TRIO: variants seen among roughly 807,000 people sequenced by gnomAD.
TRIO encodes trio Rho guanine nucleotide exchange factor, also known as triple functional domain protein.
Under a neutral mutation model 351.9 loss-of-function variants are expected in TRIO, and 58 were observed. That is an observed-to-expected ratio of 0.16 (90% CI 0.13 to 0.21). The LOEUF (loss-of-function observed/expected upper bound fraction) is 0.21. TRIO is among the 10% of genes least tolerant of loss of function. The probability of loss-of-function intolerance (pLI) is 1.00; values close to 1 mark genes in which losing one functional copy is unlikely to be tolerated. For missense variants in TRIO, 3,201 were observed against 4,027.8 expected (o/e 0.79, Z 5.56); for synonymous variants, 1,758 against 1,595.7 (o/e 1.10, Z -2.42).
chr5:14,372,245 C>T (rs1451023846), intron 18 of TRIO, among the ~76,000 whole-genome samples: 1 of 52,064 alleles, frequency 1.9e-5, no homozygotes, highest in African/African-American at 7.3e-5. Context: ...GAAAGAGAGG[C>T]GGGGGTGTGA....
At chr5:14,296,541 A>G (rs1581556523) in intron 6 of TRIO, among the ~76,000 whole-genome samples, 1 of 152,200 alleles carries the variant, frequency 6.6e-6, no homozygotes, top group Admixed American at 6.5e-5. Context: ...TCCTGGGAGA[A>G]GGTGGATCTA....
chr5:14,393,302 T>G (rs992512291), intron 27 of TRIO, among the ~76,000 whole-genome samples: 4 of 151,994 alleles, frequency 2.6e-5, no homozygotes, highest in Non-Finnish European at 5.9e-5. Context: ...ACACAACGGG[T>G]TGATGGGTGC....
intron 33 of TRIO, among the ~76,000 whole-genome samples, chr5:14,417,355 ATG>A (rs1749733607): frequency 6.6e-6 from 1 of 152,236 alleles, no homozygotes; most frequent in Non-Finnish European, 1.5e-5. Context: ...TCTAGTGGAC[ATG>A]TGTTTCTTAT....
chr5:14,290,883 A>G lies in TRIO; in HGVS notation c.708A>G (p.Glu236=), dbSNP rs1350889732. 1.2e-6 allele frequency: 2 copies of G among 1,614,042 alleles called. No homozygotes were observed. Among genetic ancestry groups the G allele is most frequent in the African/African-American group, 2.7e-5 (2 of 74,920 alleles). ...CCCACATGCTGTCTCGGCTGGAGGA[A>G]CTTCAGGACATCCTAGCTAAGAAGG... is the stretch of plus-strand genomic sequence containing the variant. The part of the protein sequence containing the change: ...NATHMLSRLE[E]LQDILAKKEL... Residue 236 remains glutamate (E), a synonymous_variant, in exon 5 of 57, where the codon GAA becomes GAG. Transcript: ENST00000344204.
intron 15 of TRIO, among the ~76,000 whole-genome samples, 162 bp downstream of exon 15, chr5:14,364,978 C>T (rs1489753965): frequency 6.6e-6 from 1 of 152,146 alleles, no homozygotes; most frequent in Non-Finnish European, 1.5e-5. Context: ...CACCCCCGCC[C>T]CCCGATTACA....
intron 8 of TRIO, among the ~76,000 whole-genome samples, chr5:14,307,845 A>G (rs1485404476): frequency 6.6e-6 from 1 of 152,148 alleles, no homozygotes. Flanking sequence ...GTGGCTTTCT[A>G]CCATAAGAAT....
intron 15 of TRIO, among the ~76,000 whole-genome samples, chr5:14,365,722 T>C (rs1275988053): frequency 1.3e-5 from 2 of 152,224 alleles, no homozygotes; most frequent in African/African-American, 4.8e-5. Context: ...AAAAGGTGTT[T>C]TCCGCATGTG....
At chr5:14,281,434 C>T (rs772228192) in intron 3 of TRIO, among the ~76,000 whole-genome samples, 3 of 128,064 alleles carry the variant, frequency 2.3e-5, no homozygotes, top group Admixed American at 7.7e-5. Flanking sequence ...ACCCCCCCCC[C>T]CCGCCCCGTG....
At chr5:14,432,142 G>A (rs1435800023) in intron 34 of TRIO, among the ~76,000 whole-genome samples, 1 of 152,208 alleles carries the variant, frequency 6.6e-6, no homozygotes, top group African/African-American at 2.4e-5. Context: ...GCCAGCCACA[G>A]TGCTGTTCTC....
intron 1 of TRIO, among the ~76,000 whole-genome samples, chr5:14,258,864 G>A (rs1263053842): frequency 2.6e-5 from 4 of 152,212 alleles, no homozygotes; most frequent in Non-Finnish European, 5.9e-5. Flanking sequence ...TGGATTAGCT[G>A]TGCCGTGTCA....
rs567064026 is a variant in TRIO, at chr5:14,249,977, C to T, written c.158-20848C>T. Among the ~76,000 whole-genome samples the T allele has an allele frequency of 3.9e-5, 6 of 152,292 alleles. No individual in the cohort carries two copies. The East Asian group carries it at 5.8e-4, about 15-fold the overall frequency. ...CCACTTTAGCAATTATCCTGTTAAACAGTGTGCTCGAAAAGGCACAGGGAA... is the reference window on the plus strand; with the variant it reads ...CCACTTTAGCAATTATCCTGTTAAATAGTGTGCTCGAAAAGGCACAGGGAA... On this transcript the variant is annotated intron_variant, in intron 1 of 56. Transcript: ENST00000344204.
chr5:14,143,943 C>G, intron 1 of TRIO, 61 bp downstream of exon 1: 2 of 1,023,100 alleles, frequency 2.0e-6, no homozygotes, highest in Non-Finnish European at 2.3e-6. Context: ...GCCGACCCGC[C>G]GCGGAGCTGC....
intron 1 of TRIO, among the ~76,000 whole-genome samples, chr5:14,163,129 T>C (rs921398418): frequency 1.3e-5 from 2 of 152,244 alleles, no homozygotes; most frequent in African/African-American, 4.8e-5. Flanking sequence ...AAGCCCTGCA[T>C]GCATTAGGTA....
chr5:14,231,657 A>G (rs893681482), intron 1 of TRIO, among the ~76,000 whole-genome samples: 2 of 152,176 alleles, frequency 1.3e-5, no homozygotes, highest in African/African-American at 4.8e-5. Flanking sequence ...AGTTCATTTA[A>G]TAATGTGATT....
At chr5:14,354,461 G>A (rs1378906034) in intron 11 of TRIO, among the ~76,000 whole-genome samples, 1 of 152,240 alleles carries the variant, frequency 6.6e-6, no homozygotes, top group Non-Finnish European at 1.5e-5. Context: ...GTGCCCAGAA[G>A]GGCAGCTTGT....
chr5:14,387,396 G>A (rs376931480), intron 21 of TRIO, 42 bp from the exon 22 acceptor site: 103 of 1,552,158 alleles, frequency 6.6e-5, no homozygotes, highest in Middle Eastern at 1.7e-4. Flanking sequence ...TCTGGCAGTC[G>A]GATTCATTTG....
At chr5:14,290,389 A>G (rs937495460) in intron 4 of TRIO, among the ~76,000 whole-genome samples, 10 of 152,222 alleles carry the variant, frequency 6.6e-5, no homozygotes, top group South Asian at 2.1e-4. Flanking sequence ...CCTGTTTCCT[A>G]GTTTAATGTG....
chr5:14,154,573 G>A (rs1425554023), intron 1 of TRIO, among the ~76,000 whole-genome samples: 1 of 152,066 alleles, frequency 6.6e-6, no homozygotes, highest in Non-Finnish European at 1.5e-5. Context: ...TGTGGGTTGC[G>A]TTCTCATCAG....
At chr5:14,475,605 A>G (rs954257951) in intron 40 of TRIO, among the ~76,000 whole-genome samples, 4 of 152,230 alleles carry the variant, frequency 2.6e-5, no homozygotes, top group Admixed American at 6.5e-5. Flanking sequence ...ATTTGGATTT[A>G]CAGATAAATG....
Sources: gnomAD v4.1 joint callset for allele counts (sites outside exome capture counted in the v4.1 genomes callset) on GRCh38, gnomAD v4.1.1 for gene constraint, MANE v1.5 for transcripts, NCBI Gene and HGNC (gene_info 2026-07-23, HGNC 2026-07-21) for gene names.